The following AFG2A variants were observed in gnomAD, a reference collection of about 807,000 sequenced individuals.
AFG2A encodes ATPase family gene 2 protein homolog A.
At chr4:123,059,934 T>G in the AFG2A span, among the ~76,000 whole-genome samples, 1 of 152,250 alleles carries the variant, frequency 6.6e-6, no homozygotes, top group Non-Finnish European at 1.5e-5. Context: ...ATGTGTTTTT[T>G]GGCTGCATAA....
chr4:122,945,356 C>T, the AFG2A span, among the ~76,000 whole-genome samples: 103 of 152,342 alleles, frequency 6.8e-4, no homozygotes, highest in Middle Eastern at 3.4e-3. Context: ...TGGCGGGCGC[C>T]CCTCCCCCAG....
the AFG2A span, chr4:122,927,529 A>G: frequency 8.8e-7 from 1 of 1,139,066 alleles, no homozygotes; most frequent in Non-Finnish European, 1.2e-6. Context: ...TGGTAAGTAC[A>G]TTCATGTGGT....
At chr4:123,037,222 C>T in the AFG2A span, among the ~76,000 whole-genome samples, 81 of 152,112 alleles carry the variant, frequency 5.3e-4, no homozygotes, top group Admixed American at 2.3e-3. Context: ...AAATGTTATA[C>T]TCGAGTTTGT....
the AFG2A span, among the ~76,000 whole-genome samples, chr4:123,237,886 G>A: frequency 6.6e-6 from 1 of 152,116 alleles, no homozygotes; most frequent in African/African-American, 2.4e-5. Flanking sequence ...GCCTCACCCA[G>A]GAACTGGAAG....
the AFG2A span, among the ~76,000 whole-genome samples, chr4:122,978,602 C>T: frequency 6.6e-6 from 1 of 152,216 alleles, no homozygotes; most frequent in African/African-American, 2.4e-5. Flanking sequence ...GGGACTCACT[C>T]CTTTCTGCCC....
the AFG2A span, among the ~76,000 whole-genome samples, chr4:123,048,880 C>A: frequency 7.2e-5 from 11 of 152,138 alleles, no homozygotes; most frequent in Admixed American, 1.3e-4. Context: ...CTAATTTTGG[C>A]CAAAACTTGC....
chr4:123,071,445 A>G, the AFG2A span, among the ~76,000 whole-genome samples: 4 of 150,644 alleles, frequency 2.7e-5, no homozygotes, highest in Non-Finnish European at 5.9e-5. Context: ...GCGCCATTGC[A>G]CTCCAGCCTG....
At chr4:123,129,803 C>T in the AFG2A span, among the ~76,000 whole-genome samples, 5 of 152,160 alleles carry the variant, frequency 3.3e-5, no homozygotes, top group African/African-American at 7.2e-5. Flanking sequence ...TTGCTCTGAC[C>T]GATTCAACCA....
the AFG2A span, among the ~76,000 whole-genome samples, chr4:123,257,413 A>G: frequency 6.6e-6 from 1 of 152,206 alleles, no homozygotes; most frequent in South Asian, 2.1e-4. Context: ...AGTCAAAAAC[A>G]TATATGCATT....
chr4:123,149,735 A>T, the AFG2A span, among the ~76,000 whole-genome samples: 4 of 147,816 alleles, frequency 2.7e-5, no homozygotes, highest in Non-Finnish European at 5.9e-5. Flanking sequence ...AACTAATGTG[A>T]TTTTCATCAT....
chr4:123,298,320 G>A, the AFG2A span, among the ~76,000 whole-genome samples: 1 of 152,176 alleles, frequency 6.6e-6, no homozygotes, highest in African/African-American at 2.4e-5. Flanking sequence ...GCCAAAGTAC[G>A]GAGAGAAGCA....
the AFG2A span, among the ~76,000 whole-genome samples, chr4:123,114,700 G>A: frequency 6.6e-6 from 1 of 152,228 alleles, no homozygotes; most frequent in Non-Finnish European, 1.5e-5. Context: ...TGCCTGGGGA[G>A]CTCTCACCCT....
At chr4:123,173,512 C>T in the AFG2A span, among the ~76,000 whole-genome samples, 4 of 151,968 alleles carry the variant, frequency 2.6e-5, no homozygotes, top group African/African-American at 4.8e-5. Context: ...CCCACCACCA[C>T]GCCCAGCTAA....
At chr4:122,934,398 G>T in the AFG2A span, 62,479 of 1,614,158 alleles carry the variant, frequency 0.039, 1,534 homozygotes, top group South Asian at 0.046. Context: ...ATGTTTTGCT[G>T]GATGTTACAC....
the AFG2A span, among the ~76,000 whole-genome samples, chr4:123,140,890 T>C: frequency 4.6e-5 from 7 of 152,298 alleles, no homozygotes; most frequent in East Asian, 9.6e-4. Context: ...AACATTGTCA[T>C]GAAACTACTA....
the AFG2A span, among the ~76,000 whole-genome samples, chr4:123,120,500 A>G: frequency 0.037 from 5,593 of 152,270 alleles, 339 homozygotes; most frequent in African/African-American, 0.13. Flanking sequence ...TGCATCATCT[A>G]TGTGCCCTTC....
the AFG2A span, among the ~76,000 whole-genome samples, chr4:123,083,889 G>A: frequency 6.6e-6 from 1 of 152,054 alleles, no homozygotes; most frequent in Non-Finnish European, 1.5e-5. Flanking sequence ...GAGAACTGGT[G>A]TAATTTTTTC....
chr4:122,988,076 T>C, the AFG2A span, among the ~76,000 whole-genome samples: 25 of 142,286 alleles, frequency 1.8e-4, no homozygotes, highest in South Asian at 2.3e-4. Context: ...TTTTTTTTTT[T>C]CCCTTTTTCT....
At chr4:123,219,683 A>G in the AFG2A span, among the ~76,000 whole-genome samples, 4 of 152,194 alleles carry the variant, frequency 2.6e-5, no homozygotes, top group African/African-American at 9.7e-5. Flanking sequence ...TCTTGAGTTT[A>G]AGGAAATATA....
Sources: gnomAD v4.1 joint callset for allele counts (sites outside exome capture counted in the v4.1 genomes callset) on GRCh38, gnomAD v4.1.1 for gene constraint, MANE v1.5 for transcripts, NCBI Gene and HGNC (gene_info 2026-07-23, HGNC 2026-07-21) for gene names.